The following PRDM1 variants were observed in gnomAD, a reference collection of about 807,000 sequenced individuals.
The protein encoded by PRDM1 is PR/SET domain 1, also known as PR domain zinc finger protein 1.
Under a neutral mutation model 62.8 loss-of-function variants are expected in PRDM1, and 13 were observed. The ratio of observed to expected loss-of-function variants is 0.21; its 90% CI spans 0.13 to 0.33. PRDM1 has a LOEUF of 0.33. Among genes scored for constraint, PRDM1 ranks in the 10% least tolerant of loss-of-function variants. The probability of loss-of-function intolerance (pLI) is 1.00; values close to 1 mark genes in which losing one functional copy is unlikely to be tolerated. For synonymous variants in PRDM1, 396 were observed against 417.6 expected, an observed-to-expected ratio of 0.95 and a Z score of 0.63; for missense variants, 895 against 1,058.8, an observed-to-expected ratio of 0.85 and a Z score of 2.15.
chr6:106,079,325 A>G (rs1391198110), intron 1 of PRDM1, among the ~76,000 whole-genome samples: 1 of 152,226 alleles, frequency 6.6e-6, no homozygotes, highest in African/African-American at 2.4e-5. Context: ...AAAAAAAATA[A>G]CTGAAGAGAA....
At chr6:106,047,941 G>A (rs1410537747), upstream of PRDM1, among the ~76,000 whole-genome samples, 2 of 152,210 alleles carry the variant, frequency 1.3e-5, no homozygotes, top group East Asian at 1.9e-4. Flanking sequence ...TTTTCTAGCT[G>A]TGAAACTGCA....
chr6:106,006,333 C>T (rs931358608), intron 1 of PRDM1, among the ~76,000 whole-genome samples: 14 of 152,124 alleles, frequency 9.2e-5, no homozygotes, highest in East Asian at 3.8e-4. Flanking sequence ...ACTTTACTTT[C>T]GTAGTAAGGA....
rs746589089 is a variant in PRDM1, at chr6:106,105,538, A to T, written c.1378A>T (p.Met460Leu). The change falls in exon 5 of 7, where the codon ATG becomes TTG. Residue 460 changes from methionine (M) to leucine (L), a missense_variant. By Grantham distance (15) the Met-to-Leu change is conservative (BLOSUM62 2). Transcript: ENST00000369096. ...LLGGGSLPHP[M>L]LNPTSLPSSL... Reference sequence around the variant, plus strand: ...CGGTGGGGGCAGCCTGCCCCACCCCATGCTCAACCCCACTTCTCTCCCGAG... The same window carrying T: ...CGGTGGGGGCAGCCTGCCCCACCCCTTGCTCAACCCCACTTCTCTCCCGAG... 37 of 1,612,874 alleles carry T rather than the reference A, an allele frequency of 2.3e-5. No individual in the cohort carries two copies. The East Asian group carries it at 7.1e-4, about 31-fold the overall frequency.
At chr6:106,019,629 TTTC>T (rs1772668720) in intron 1 of PRDM1, among the ~76,000 whole-genome samples, 1 of 150,628 alleles carries the variant, frequency 6.6e-6, no homozygotes. Context: ...GCTTAATTTT[TTTC>T]TTTTCTTTTT....
chr6:106,065,397 T>C (rs1028082877), intron 1 of PRDM1, among the ~76,000 whole-genome samples: 1 of 152,242 alleles, frequency 6.6e-6, no homozygotes, highest in Non-Finnish European at 1.5e-5. Context: ...GGTGACAGTA[T>C]ATTTTCAGAG....
intron 3 of PRDM1, among the ~76,000 whole-genome samples, chr6:106,096,516 G>C (rs1774122068): frequency 6.6e-6 from 1 of 152,198 alleles, no homozygotes; most frequent in Non-Finnish European, 1.5e-5. Context: ...GGGTTGAGGG[G>C]AATGGAGGAC....
rs950246595 is a variant in PRDM1, at chr6:106,109,312, TTTATGA to T, written c.*1832_*1837del. 19 of 232,638 alleles carry T rather than the reference TTTATGA, an allele frequency of 8.2e-5. No homozygotes were observed. Among genetic ancestry groups the T allele is most frequent in the Non-Finnish European group, 8.5e-6 (1 of 117,548 alleles). 14.4% of individuals were successfully genotyped at this position (232,638 alleles called of 1,614,324 possible). On this transcript the variant is annotated 3_prime_UTR_variant, in exon 7 of 7. Coordinates refer to ENST00000369096, the MANE Select transcript of PRDM1 (RefSeq NM_001198.4). ...GACAGCTCTATTTTTTTTTTGCCAC[TTTATGA>T]TTATGTGGTCACACCCAAGTCACAG...
intron 1 of PRDM1, among the ~76,000 whole-genome samples, chr6:106,003,146 A>G (rs1772446654): frequency 6.6e-6 from 1 of 152,330 alleles, no homozygotes; most frequent in Non-Finnish European, 1.5e-5. Flanking sequence ...TCATTCACTC[A>G]TCATACATAA....
At position 106,108,020 on chromosome 6, in the gene PRDM1, A is replaced by ACTT. The variant is rs1206833621; in HGVS notation, c.*536_*538dup. 4.3e-6 allele frequency: 1 copy of ACTT among 232,872 alleles called. No homozygotes were observed. Among genetic ancestry groups the ACTT allele is most frequent in the East Asian group, 6.1e-5 (1 of 16,510 alleles). 14.4% of individuals were successfully genotyped at this position (232,872 alleles called of 1,614,324 possible). The stretch of plus-strand genomic sequence containing the variant: ...TAAGATTTAGTTAAACAAATATATG[A>ACTT]CTTCAGTCAACCTCTCTCTCTAATA... On this transcript the variant is annotated 3_prime_UTR_variant, in exon 7 of 7. Coordinates refer to ENST00000369096, the MANE Select transcript of PRDM1 (RefSeq NM_001198.4).
intron 1 of PRDM1, among the ~76,000 whole-genome samples, chr6:106,042,291 C>T (rs189104719): frequency 1.5e-3 from 233 of 150,988 alleles, no homozygotes; most frequent in Admixed American, 2.6e-3. Flanking sequence ...GAGGTCGAGG[C>T]GGGCAGATCA....
intron 1 of PRDM1, among the ~76,000 whole-genome samples, chr6:106,051,736 G>T (rs1320588614): frequency 6.6e-6 from 1 of 152,188 alleles, no homozygotes; most frequent in Non-Finnish European, 1.5e-5. Context: ...TGATGCCGAA[G>T]TCTGAATTTT....
chr6:106,078,901 G>A (rs1338492098), intron 1 of PRDM1, among the ~76,000 whole-genome samples: 1 of 151,920 alleles, frequency 6.6e-6, no homozygotes, highest in Non-Finnish European at 1.5e-5. Context: ...GCCTTGAGTA[G>A]ATCATTTGGG....
At position 106,108,688 on chromosome 6, in the gene PRDM1, AT is replaced by A. The variant is rs376340648; in HGVS notation, c.*1203del. ...GTAAAAGCGGGTAATGAACATTCCTATCCCCAACACATCAATTGTATTTTTT... is the reference window on the plus strand; with the variant it reads ...GTAAAAGCGGGTAATGAACATTCCTACCCCAACACATCAATTGTATTTTTT... On this transcript the variant is annotated 3_prime_UTR_variant, in exon 7 of 7. Transcript: ENST00000369096. 2.3e-3 allele frequency: 527 copies of A among 233,546 alleles called. 4 individuals are homozygous for A. The highest frequency in any genetic ancestry group is 0.011 in the African/African-American group (497 of 45,382). 14.5% of individuals were successfully genotyped at this position (233,546 alleles called of 1,614,324 possible).
At chr6:106,079,300 AG>A (rs1773655366) in intron 1 of PRDM1, among the ~76,000 whole-genome samples, 1 of 152,204 alleles carries the variant, frequency 6.6e-6, no homozygotes, top group South Asian at 2.1e-4. Flanking sequence ...TGTTAAAACA[AG>A]GATCAGTGAG....
chr6:106,008,371 CA>C (rs919168783), intron 1 of PRDM1, among the ~76,000 whole-genome samples: 17 of 150,608 alleles, frequency 1.1e-4, no homozygotes, highest in African/African-American at 3.4e-4. Context: ...GGCTCCGTCT[CA>C]AAAAAAAAGA....
intron 1 of PRDM1, among the ~76,000 whole-genome samples, chr6:106,008,858 G>C (rs1217010965): frequency 1.3e-5 from 2 of 152,128 alleles, no homozygotes; most frequent in Non-Finnish European, 2.9e-5. Context: ...GTATTCTCCT[G>C]TCTCCAGTAA....
chr6:106,030,365 C>T (rs898718172), intron 1 of PRDM1, among the ~76,000 whole-genome samples: 1 of 151,684 alleles, frequency 6.6e-6, no homozygotes, highest in Non-Finnish European at 1.5e-5. Flanking sequence ...TGGGGTCTCA[C>T]ACTCATTATA....
rs1226225618 is a variant in PRDM1 at position 106,107,426 on chromosome 6, C to T, written c.2418C>T (p.Asn806=). 2 of 1,614,050 alleles carry T rather than the reference C, an allele frequency of 1.2e-6. No homozygotes were observed. The highest frequency in any genetic ancestry group is 1.7e-6 in the Non-Finnish European group (2 of 1,179,998). ...DLPLMKLPPS[N]PLPLVPVKVK... Reference sequence around the variant, plus strand: ...CCCTCATGAAGTTGCCTCCCAGCAACCCACTACCTCTGGTACCTGTAAAGG... The same window carrying T: ...CCCTCATGAAGTTGCCTCCCAGCAATCCACTACCTCTGGTACCTGTAAAGG... Residue 806 remains asparagine, a synonymous_variant, in exon 7 of 7, where the codon AAC becomes AAT. Coordinates refer to ENST00000369096, the MANE Select transcript of PRDM1 (RefSeq NM_001198.4).
chr6:106,081,097 G>A (rs1442572498), intron 1 of PRDM1, among the ~76,000 whole-genome samples: 2 of 152,184 alleles, frequency 1.3e-5, no homozygotes, highest in African/African-American at 4.8e-5. Context: ...AATGAGGTTT[G>A]TTATTGTCTT....
Sources: gnomAD v4.1 joint callset for allele counts (sites outside exome capture counted in the v4.1 genomes callset) on GRCh38, gnomAD v4.1.1 for gene constraint, MANE v1.5 for transcripts, NCBI Gene and HGNC (gene_info 2026-07-23, HGNC 2026-07-21) for gene names.